Variants in ADH7 observed in about 807,000 individuals in gnomAD.
ADH7 encodes all-trans-retinol dehydrogenase [NAD(+)] ADH7.
In ADH7, 41 loss-of-function variants were observed where a neutral mutation model predicts 34.4. The ratio of observed to expected loss-of-function variants is 1.19; its 90% CI spans 0.93 to 1.55. ADH7 has a LOEUF of 1.55. Among genes scored for constraint, ADH7 ranks in the 40% most tolerant of loss-of-function variants. The pLI is 0.00. For missense variants in ADH7, 540 were observed against 461.2 expected, an observed-to-expected ratio of 1.17 and a Z score of -1.56; for synonymous variants, 180 against 160.9, an observed-to-expected ratio of 1.12 and a Z score of -0.90.
chr4:99,428,179 A>T lies in ADH7; in HGVS notation c.260-5T>A. 1 of 1,612,444 alleles carries T rather than the reference A, an allele frequency of 6.2e-7. No individual in the cohort carries two copies. The highest frequency in any genetic ancestry group is 8.5e-7 in the Non-Finnish European group (1 of 1,178,570). The stretch of plus-strand genomic sequence containing the variant: ...AGAGAGGGATGACTTTGTCACCTAC[A>T]GGAAAAAAATCATGATATAAGATGC... On this transcript the variant is annotated splice_region_variant and splice_polypyrimidine_tract_variant and intron_variant, in intron 3 of 8. Coordinates refer to ENST00000437033, the MANE Select transcript of ADH7 (RefSeq NM_000673.7).
intron 5 of ADH7, among the ~76,000 whole-genome samples, chr4:99,423,071 C>A (rs1285976623): frequency 1.5e-5 from 2 of 135,140 alleles, no homozygotes; most frequent in African/African-American, 5.6e-5. Flanking sequence ...TGTTCCCCTT[C>A]CTGTGTCCAT....
chr4:99,426,773 A>T (rs560249338), intron 5 of ADH7, among the ~76,000 whole-genome samples: 1 of 152,268 alleles, frequency 6.6e-6, no homozygotes, highest in East Asian at 1.9e-4. Flanking sequence ...AGAATTTTAG[A>T]CCAATATCCT....
intron 5 of ADH7, among the ~76,000 whole-genome samples, chr4:99,425,917 G>A (rs1209078435): frequency 3.3e-5 from 5 of 150,436 alleles, no homozygotes; most frequent in African/African-American, 4.9e-5. Context: ...ACTCAAAACC[G>A]CTCAACTACA....
intron 7 of ADH7, among the ~76,000 whole-genome samples, chr4:99,417,129 C>T (rs1201927260): frequency 6.6e-6 from 1 of 152,046 alleles, no homozygotes; most frequent in Non-Finnish European, 1.5e-5. Flanking sequence ...CCCTTTGCCC[C>T]ATTTAGAGTA....
At chr4:99,434,398 G>A (rs1223253697) in intron 1 of ADH7, among the ~76,000 whole-genome samples, 1 of 151,966 alleles carries the variant, frequency 6.6e-6, no homozygotes, top group African/African-American at 2.4e-5. Flanking sequence ...TAACATCATA[G>A]AGTCTCCTGA....
intron 6 of ADH7, 29 bp from the exon 7 acceptor site, chr4:99,419,150 C>T (rs1470423834): frequency 2.5e-6 from 4 of 1,604,510 alleles, no homozygotes; most frequent in Non-Finnish European, 2.6e-6. Flanking sequence ...AGATCGTTTG[C>T]TTCCTGTGTC....
chr4:99,435,227 T>C lies in ADH7; in HGVS notation c.7A>G (p.Thr3Ala). The change falls in exon 1 of 9, where the codon ACT becomes GCT. Residue 3 changes from threonine to alanine, a missense_variant. Coordinates refer to ENST00000437033, the MANE Select transcript of ADH7 (RefSeq NM_000673.7). Reference protein sequence around the residue: MGTAGKVIKCKAA... With the variant: MGAAGKVIKCKAA... ...AATGTTCCACTTACTTTTCCAGCAG[T>C]GCCCATCCTGTCTTTGTCTTGGATC... 1.2e-6 allele frequency: 2 copies of C among 1,613,492 alleles called. No individual in the cohort carries two copies. The highest frequency in any genetic ancestry group is 2.2e-5 in the South Asian group (2 of 90,986).
chr4:99,425,910 C>G (rs1315225595), intron 5 of ADH7, among the ~76,000 whole-genome samples: 3 of 152,068 alleles, frequency 2.0e-5, no homozygotes, highest in Admixed American at 6.6e-5. Flanking sequence ...GAAACTCACT[C>G]AAAACCGCTC....
At chr4:99,432,854 AT>A (rs898947327) in intron 1 of ADH7, 87 of 151,670 alleles carry the variant, frequency 5.7e-4, no homozygotes, top group African/African-American at 1.9e-3. Context: ...AAAAAAAAAA[AT>A]TTTTTTAAGA....
At chr4:99,417,547 T>A (rs894697680) in intron 7 of ADH7, among the ~76,000 whole-genome samples, 4 of 152,152 alleles carry the variant, frequency 2.6e-5, no homozygotes, top group Admixed American at 1.3e-4. Flanking sequence ...CCGTTACCCA[T>A]CCTTTATTAT....
intron 5 of ADH7, among the ~76,000 whole-genome samples, chr4:99,423,995 G>A (rs1303091601): frequency 1.2e-4 from 18 of 151,448 alleles, no homozygotes; most frequent in Admixed American, 1.2e-3. Flanking sequence ...TTTCTTCTAG[G>A]GTTTTTATGG....
At chr4:99,421,781 C>A (rs563605537) in intron 5 of ADH7, among the ~76,000 whole-genome samples, 1 of 152,106 alleles carries the variant, frequency 6.6e-6, no homozygotes, top group East Asian at 1.9e-4. Flanking sequence ...GCAGAATTTA[C>A]AAGGAACTTA....
intron 2 of ADH7, among the ~76,000 whole-genome samples, chr4:99,429,203 A>T (rs1016884225): frequency 1.2e-4 from 18 of 152,340 alleles, no homozygotes; most frequent in Admixed American, 1.1e-3. Context: ...AAGTAACCTC[A>T]AAACAATCTG....
chr4:99,425,487 A>T lies in ADH7; in HGVS notation c.564+2286T>A, dbSNP rs560229261. ...AAGGCCATTACATAGTGGTAAAGGGATCAATTCAACAAGAAGAGCTAACTA... is the reference window on the plus strand; with the variant it reads ...AAGGCCATTACATAGTGGTAAAGGGTTCAATTCAACAAGAAGAGCTAACTA... On this transcript the variant is annotated intron_variant, in intron 5 of 8. Coordinates refer to ENST00000437033, the MANE Select transcript of ADH7 (RefSeq NM_000673.7). Among the ~76,000 whole-genome samples, 16 of 152,336 alleles carry T rather than the reference A, an allele frequency of 1.1e-4. No individual in the cohort carries two copies. In the East Asian group the frequency reaches 1.9e-3, roughly 18 times the overall value.
At chr4:99,417,456 T>C (rs1028155013) in intron 7 of ADH7, among the ~76,000 whole-genome samples, 3 of 152,186 alleles carry the variant, frequency 2.0e-5, no homozygotes, top group Non-Finnish European at 4.4e-5. Context: ...TTTGCTCCAA[T>C]GTTACCTTAT....
At chr4:99,419,189 G>A (rs1490798565) in intron 6 of ADH7, 68 bp from the exon 7 acceptor site, 4 of 1,541,574 alleles carry the variant, frequency 2.6e-6, no homozygotes, top group Non-Finnish European at 3.5e-6. Context: ...GCTCTGAAAT[G>A]ACCTATGTAC....
In ADH7 at chr4:99,427,816, C is replaced by T. The variant is rs1323092909; in HGVS notation, c.521G>A (p.Cys174Tyr). The T allele has an allele frequency of 3.7e-6, 6 of 1,604,302 alleles. No individual in the cohort carries two copies. The highest frequency in any genetic ancestry group is 5.1e-6 in the Non-Finnish European group (6 of 1,174,176). Reference protein sequence around the residue: ...APPEKVCLIGCGFSTGYGAAV... With the variant: ...APPEKVCLIGYGFSTGYGAAV... ...AGCGCCATATCCAGTGGAAAACCCA[C>T]AGCCAATTAAACAGACTTTCTCAGG... The change falls in exon 5 of 9, where the codon TGT becomes TAT. Residue 174 changes from cysteine (C) to tyrosine (Y), a missense_variant. Physicochemically the swap from Cys to Tyr is radical, Grantham distance 194. Transcript: ENST00000437033.
chr4:99,415,128 C>T (rs986680869), intron 8 of ADH7, among the ~76,000 whole-genome samples: 1 of 152,122 alleles, frequency 6.6e-6, no homozygotes, highest in Non-Finnish European at 1.5e-5. Flanking sequence ...GTAAGGGGCT[C>T]TTCCCGCTTT....
In ADH7 at chr4:99,420,747, C is replaced by A. The variant is rs372637703; in HGVS notation, c.611G>T (p.Gly204Val). Residue 204 changes from glycine (G) to valine (V), a missense_variant, in exon 6 of 9, where the codon GGC becomes GTC. Physicochemically the swap from Gly to Val is moderately radical, Grantham distance 109 (BLOSUM62 -3). Transcript: ENST00000437033. ...CTTACAGCCCATGATGACTGACAGG[C>A]CAACTCCTCCCAGGCCAAAGACGAC... is the stretch of plus-strand genomic sequence containing the variant. The part of the protein sequence containing the change: ...TCVVFGLGGV[G>V]LSVIMGCKSA... 16 of 1,613,862 alleles carry A rather than the reference C, an allele frequency of 9.9e-6. No individual in the cohort carries two copies. Among genetic ancestry groups the A allele is most frequent in the Middle Eastern group, 1.7e-4 (1 of 6,060 alleles).
Sources: gnomAD v4.1 joint callset for allele counts (sites outside exome capture counted in the v4.1 genomes callset) on GRCh38, gnomAD v4.1.1 for gene constraint, MANE v1.5 for transcripts, NCBI Gene and HGNC (gene_info 2026-07-23, HGNC 2026-07-21) for gene names.